Variants in BICC1 observed in about 807,000 individuals in gnomAD.
BICC1 encodes protein bicaudal C homolog 1.
A neutral mutation model predicts 111.0 loss-of-function variants in BICC1; 43 were observed. That is an observed-to-expected ratio of 0.39 (90% CI 0.30 to 0.50). The LOEUF is 0.50. Ranked by LOEUF, BICC1 falls within the 20% of genes least tolerant of loss-of-function variation. The probability of loss-of-function intolerance (pLI) is 0.88; values close to 1 mark genes in which losing one functional copy is unlikely to be tolerated. For synonymous variants in BICC1, 467 were observed against 434.4 expected (o/e 1.07, Z -0.93); for missense variants, 1,091 against 1,203.2 (o/e 0.91, Z 1.38).
intron 2 of BICC1, among the ~76,000 whole-genome samples, chr10:58,646,741 G>A (rs1838281337): frequency 6.6e-6 from 1 of 152,072 alleles, no homozygotes; most frequent in South Asian, 2.1e-4. Context: ...TTAACAAGTA[G>A]GTAGTGCTGT....
intron 2 of BICC1, among the ~76,000 whole-genome samples, chr10:58,637,278 A>G (rs1298147593): frequency 6.6e-6 from 1 of 152,140 alleles, no homozygotes; most frequent in Admixed American, 6.5e-5. Context: ...TATTAGAAAT[A>G]TGTTTTTTCC....
In BICC1 at chr10:58,796,539, T is replaced by C; in HGVS notation, c.1366+13T>C. On this transcript the variant is annotated intron_variant, in intron 10 of 20. Coordinates refer to ENST00000373886, the MANE Select transcript of BICC1 (RefSeq NM_001080512.3). ...CTCACTGGACTAGGTATACAATTTA[T>C]TATTACAGCGCGTCTCAGTCACTGG... is the stretch of plus-strand genomic sequence containing the variant. 6.2e-7 allele frequency: 1 copy of C among 1,602,072 alleles called. No individual in the cohort carries two copies. Among genetic ancestry groups the C allele is most frequent in the South Asian group, 1.1e-5 (1 of 89,562 alleles).
intron 2 of BICC1, among the ~76,000 whole-genome samples, chr10:58,656,821 AT>A (rs1031852483): frequency 6.6e-6 from 1 of 152,190 alleles, no homozygotes; most frequent in African/African-American, 2.4e-5. Flanking sequence ...AAGAATTTAA[AT>A]GACACCTCCA....
rs1398403392 is a variant in BICC1, at chr10:58,686,232, C to G, written c.238-15842C>G. 2.6e-5 allele frequency among the ~76,000 whole-genome samples: 4 copies of G among 152,212 alleles called. No individual in the cohort carries two copies. The South Asian group carries it at 8.3e-4, about 31-fold the overall frequency. The stretch of plus-strand genomic sequence containing the variant: ...GCTTGTAGAGTTTCTGCCGAGAGAT[C>G]TGCTGTTAGTCTGATGGGATTCCCT... On this transcript the variant is annotated intron_variant, in intron 2 of 20. Coordinates refer to ENST00000373886, the MANE Select transcript of BICC1 (RefSeq NM_001080512.3).
At chr10:58,534,579 A>G (rs899782075) in intron 1 of BICC1, among the ~76,000 whole-genome samples, 10 of 151,716 alleles carry the variant, frequency 6.6e-5, no homozygotes, top group Non-Finnish European at 1.5e-4. Flanking sequence ...AATAAAAGAA[A>G]TAAAAACCCC....
rs78742013 is a variant in BICC1, at chr10:58,830,011, G to A, written c.*1120G>A. 2.6e-5 allele frequency: 4 copies of A among 152,084 alleles called. No individual in the cohort carries two copies. The highest frequency in any genetic ancestry group is 2.1e-4 in the South Asian group (1 of 4,816). The allele number at this position is 152,084 out of a possible 1,614,324, so 9.4% of individuals were successfully genotyped here. ...AGATTACAATCCTTATCATGTACACGTTAGCTATGTTCCGTATGGCCACAG... is the reference window on the plus strand; with the variant it reads ...AGATTACAATCCTTATCATGTACACATTAGCTATGTTCCGTATGGCCACAG... On this transcript the variant is annotated 3_prime_UTR_variant, in exon 21 of 21. Transcript: ENST00000373886.
intron 3 of BICC1, among the ~76,000 whole-genome samples, chr10:58,742,509 C>T (rs571408858): frequency 1.2e-4 from 18 of 147,822 alleles, no homozygotes; most frequent in African/African-American, 4.0e-4. Flanking sequence ...ACAATCTCAG[C>T]TCACTGTAAC....
At chr10:58,585,050 G>T (rs531038943) in intron 1 of BICC1, among the ~76,000 whole-genome samples, 11 of 152,324 alleles carry the variant, frequency 7.2e-5, no homozygotes, top group African/African-American at 2.4e-4. Context: ...TACCTGGCAA[G>T]TGGTAGGGAG....
intron 20 of BICC1, among the ~76,000 whole-genome samples, chr10:58,821,326 A>G (rs1844245462): frequency 6.6e-6 from 1 of 152,144 alleles, no homozygotes; most frequent in African/African-American, 2.4e-5. Flanking sequence ...GCTGCGGAAA[A>G]ATGAATGCTT....
chr10:58,572,078 T>C (rs371756649), intron 1 of BICC1, among the ~76,000 whole-genome samples: 19 of 152,338 alleles, frequency 1.2e-4, no homozygotes, highest in African/African-American at 4.6e-4. Context: ...TGCATTTCTC[T>C]AATGATCAGT....
At chr10:58,821,512 G>C (rs1285042408) in intron 20 of BICC1, among the ~76,000 whole-genome samples, 2 of 152,170 alleles carry the variant, frequency 1.3e-5, no homozygotes, top group East Asian at 3.9e-4. Flanking sequence ...TCTTCCCATA[G>C]GAAATCTTTA....
At chr10:58,765,242 G>A (rs1327620202) in intron 3 of BICC1, among the ~76,000 whole-genome samples, 1 of 151,996 alleles carries the variant, frequency 6.6e-6, no homozygotes, top group African/African-American at 2.4e-5. Context: ...TTTTGGTAGA[G>A]ATGGGGTTTC....
At chr10:58,692,742 TTCA>T (rs1430090874) in intron 2 of BICC1, among the ~76,000 whole-genome samples, 1 of 152,258 alleles carries the variant, frequency 6.6e-6, no homozygotes, top group African/African-American at 2.4e-5. Context: ...CTTCCAGTGT[TTCA>T]TCCTGTGTGC....
intron 2 of BICC1, among the ~76,000 whole-genome samples, chr10:58,675,457 G>T (rs1401518677): frequency 6.6e-6 from 1 of 152,132 alleles, no homozygotes; most frequent in Admixed American, 6.5e-5. Flanking sequence ...AGGAAATCCT[G>T]CAATTTGCAA....
At chr10:58,604,028 T>C (rs1023333636) in intron 1 of BICC1, among the ~76,000 whole-genome samples, 33 of 152,210 alleles carry the variant, frequency 2.2e-4, no homozygotes, top group African/African-American at 8.0e-4. Context: ...CTCTTCTTTT[T>C]TGAATGCTTC....
intron 2 of BICC1, among the ~76,000 whole-genome samples, chr10:58,656,398 AAAG>A (rs1462489439): frequency 6.6e-6 from 1 of 151,056 alleles, no homozygotes; most frequent in Non-Finnish European, 1.5e-5. Context: ...CACAACCAAA[AAAG>A]AGATTTTTAG....
chr10:58,522,413 G>A (rs1387622082), intron 1 of BICC1, among the ~76,000 whole-genome samples: 1 of 151,964 alleles, frequency 6.6e-6, no homozygotes, highest in Non-Finnish European at 1.5e-5. Context: ...CCTCAAAACC[G>A]CTCAACTACT....
rs1302992170 is a variant in BICC1, at chr10:58,812,463, A to ATTTCT, written c.2377-1348_2377-1344dup. On this transcript the variant is annotated intron_variant, in intron 17 of 20. Coordinates refer to ENST00000373886, the MANE Select transcript of BICC1 (RefSeq NM_001080512.3). The stretch of plus-strand genomic sequence containing the variant: ...CCGACTGGCACCTCTGTGATTCTAA[A>ATTTCT]TTTCTTTTCTTTTCTTTTCTTTTTT... Among the ~76,000 whole-genome samples, 488 of 151,256 alleles carry ATTTCT rather than the reference A, an allele frequency of 3.2e-3. 3 individuals carry two copies. The highest frequency in any genetic ancestry group is 0.011 in the African/African-American group (466 of 41,138).
At chr10:58,538,502 A>G (rs186402069) in intron 1 of BICC1, among the ~76,000 whole-genome samples, 20 of 152,104 alleles carry the variant, frequency 1.3e-4, no homozygotes, top group Admixed American at 8.5e-4. Context: ...CTAAGACCTG[A>G]AACCATGAAA....
Sources: gnomAD v4.1 joint callset for allele counts (sites outside exome capture counted in the v4.1 genomes callset) on GRCh38, gnomAD v4.1.1 for gene constraint, MANE v1.5 for transcripts, NCBI Gene and HGNC (gene_info 2026-07-23, HGNC 2026-07-21) for gene names.